Variants in FSD2 observed in about 807,000 individuals in gnomAD.
FSD2 encodes fibronectin type III and SPRY domain containing 2.
In FSD2, 71 loss-of-function variants were observed where a neutral mutation model predicts 80.4. That is an observed-to-expected ratio of 0.88 (90% CI 0.73 to 1.08). The LOEUF (loss-of-function observed/expected upper bound fraction) is 1.08. FSD2 is among the 50% of genes least tolerant of loss of function. FSD2 has a pLI of 0.00. For missense variants in FSD2, 923 were observed against 913.8 expected (o/e 1.01, Z -0.13); for synonymous variants, 361 against 329.5 (o/e 1.10, Z -1.03).
rs528228689 is a variant in FSD2, at chr15:82,770,290, C to T, written c.1268-406G>A. Among the ~76,000 whole-genome samples the T allele has an allele frequency of 2.5e-4, 38 of 152,296 alleles. No individual in the cohort carries two copies. In the East Asian group the frequency reaches 6.4e-3, roughly 25 times the overall value. On this transcript the variant is annotated intron_variant, in intron 7 of 12. Coordinates refer to ENST00000334574, the MANE Select transcript of FSD2 (RefSeq NM_001007122.4). Reference sequence around the variant, plus strand: ...CAAGTCCTCCCGGCTATCCTATCTGCGACAACAGTAAATGAGGCCATCCTA... The same window carrying T: ...CAAGTCCTCCCGGCTATCCTATCTGTGACAACAGTAAATGAGGCCATCCTA...
chr15:82,781,984 A>G (rs1304507459), intron 4 of FSD2, among the ~76,000 whole-genome samples: 1 of 150,642 alleles, frequency 6.6e-6, no homozygotes, highest in Non-Finnish European at 1.5e-5. Flanking sequence ...GAATTGCTTG[A>G]ACCCGGGAGG....
intron 12 of FSD2, 128 bp from the exon 13 acceptor site, chr15:82,759,728 G>A (rs1343586642): frequency 1.4e-6 from 1 of 702,934 alleles, no homozygotes; most frequent in Admixed American, 3.1e-5. Context: ...TGACTACCAA[G>A]GTGACAAGCC....
intron 7 of FSD2, among the ~76,000 whole-genome samples, chr15:82,771,077 A>G (rs1162684846): frequency 2.0e-5 from 3 of 151,752 alleles, no homozygotes; most frequent in Non-Finnish European, 4.4e-5. Context: ...TCATCACTTA[A>G]ATTTACTCTT....
At chr15:82,778,211 A>G (rs1256780519) in intron 6 of FSD2, among the ~76,000 whole-genome samples, 2 of 148,258 alleles carry the variant, frequency 1.3e-5, no homozygotes, top group African/African-American at 5.0e-5. Context: ...CAGAACTGAA[A>G]TCAAGATCTC....
chr15:82,782,826 A>G lies in FSD2; in HGVS notation c.935T>C (p.Met312Thr). The G allele has an allele frequency of 1.2e-6, 2 of 1,612,978 alleles. No individual in the cohort carries two copies. Among genetic ancestry groups the G allele is most frequent in the Admixed American group, 1.7e-5 (1 of 59,886 alleles). Residue 312 changes from methionine to threonine, a missense_variant, in exon 4 of 13, where the codon ATG becomes ACG. Transcript: ENST00000334574. ...CKELMETIEE[M>T]CHEEKVDFIK... Reference sequence around the variant, plus strand: ...GAAATCCACCTTCTCCTCGTGACACATCTCCTCTATTGTTTCCATCAGTTC... The same window carrying G: ...GAAATCCACCTTCTCCTCGTGACACGTCTCCTCTATTGTTTCCATCAGTTC...
At chr15:82,798,462 C>T (rs547163929) in intron 1 of FSD2, among the ~76,000 whole-genome samples, 2 of 152,168 alleles carry the variant, frequency 1.3e-5, no homozygotes, top group Admixed American at 1.3e-4. Context: ...GTTCCTAATG[C>T]CTACCCCCAT....
Position 82,765,240 on chromosome 15 carries a change from G to T in FSD2, c.1746C>A (p.Asp582Glu), listed in dbSNP as rs200061762. The change falls in exon 11 of 13, where the codon GAC becomes GAA. Residue 582 changes from aspartate to glutamate, a missense_variant. Coordinates refer to ENST00000334574, the MANE Select transcript of FSD2 (RefSeq NM_001007122.4). ...TTTCACTTCGTACAGCCGTAAGTCC[G>T]TCTTCAGAAATGGTCAGCCAGGGAT... ...TCHPWLTISEDGLTAVRSERR... is the reference protein window; with the variant it reads ...TCHPWLTISEEGLTAVRSERR... 6.2e-7 allele frequency: 1 copy of T among 1,612,790 alleles called. No individual in the cohort carries two copies. The highest frequency in any genetic ancestry group is 1.1e-5 in the South Asian group (1 of 90,858).
chr15:82,781,287 G>A (rs2049848968), intron 4 of FSD2, among the ~76,000 whole-genome samples: 1 of 152,088 alleles, frequency 6.6e-6, no homozygotes, highest in Admixed American at 6.6e-5. Context: ...GCATATGGTG[G>A]GCCCACTAGT....
At chr15:82,779,571 C>G (rs1420261129) in intron 5 of FSD2, among the ~76,000 whole-genome samples, 2 of 151,066 alleles carry the variant, frequency 1.3e-5, no homozygotes, top group African/African-American at 2.4e-5. Context: ...GAGGCTGAGG[C>G]AGGAGAATCA....
chr15:82,773,657 A>C (rs758005015), intron 6 of FSD2, among the ~76,000 whole-genome samples: 16 of 152,352 alleles, frequency 1.1e-4, no homozygotes, highest in Middle Eastern at 6.8e-3. Flanking sequence ...TGGACGTCAT[A>C]GCTCTGTGAA....
chr15:82,797,019 T>C (rs1000580182), intron 1 of FSD2, among the ~76,000 whole-genome samples: 3 of 57,810 alleles, frequency 5.2e-5, no homozygotes, highest in African/African-American at 3.0e-4. Flanking sequence ...TGCTTGGTAA[T>C]TAAAAAAAAA....
Position 82,761,691 on chromosome 15 carries a change from T to A in FSD2, c.1997+411A>T, listed in dbSNP as rs946401305. Among the ~76,000 whole-genome samples, 14 of 150,902 alleles carry A rather than the reference T, an allele frequency of 9.3e-5. 1 individual carries two copies. The South Asian group carries it at 1.2e-3, about 13-fold the overall frequency. On this transcript the variant is annotated intron_variant, in intron 12 of 12. Coordinates refer to ENST00000334574, the MANE Select transcript of FSD2 (RefSeq NM_001007122.4). ...TTTATTTTTTTATTTTATTATTTTTTTTTTTTTAGAGACGGGGTCTTGCTA... is the reference window on the plus strand; with the variant it reads ...TTTATTTTTTTATTTTATTATTTTTATTTTTTTAGAGACGGGGTCTTGCTA...
At position 82,759,375 on chromosome 15, in the gene FSD2, T is replaced by C; in HGVS notation, c.2223A>G (p.Ser741=). ...PGCLKVHNGI[S]MPKHVTFY ...AATAGAAAGTGACATGTTTTGGCAT[T>C]GAAATGCCATTATGTACCTTTAGAC... Residue 741 remains serine, a synonymous_variant, in exon 13 of 13, where the codon TCA becomes TCG. Transcript: ENST00000334574. The C allele has an allele frequency of 6.2e-7, 1 of 1,613,386 alleles. No homozygotes were observed. Among genetic ancestry groups the C allele is most frequent in the Non-Finnish European group, 8.5e-7 (1 of 1,179,686 alleles).
At chr15:82,770,400 G>A (rs1229825000) in intron 7 of FSD2, among the ~76,000 whole-genome samples, 19 of 152,230 alleles carry the variant, frequency 1.2e-4, no homozygotes, top group Non-Finnish European at 2.8e-4. Flanking sequence ...GGCCGGGCGC[G>A]GTAGCTCATG....
chr15:82,802,202 CT>C, intron 1 of FSD2, among the ~76,000 whole-genome samples: 1 of 152,294 alleles, frequency 6.6e-6, no homozygotes, highest in Admixed American at 6.5e-5. Context: ...CACACTGAAT[CT>C]GCATCCCAGC....
Position 82,772,124 on chromosome 15 carries a change from G to A in FSD2, c.1216C>T (p.Gln406Ter). The A allele has an allele frequency of 6.2e-7, 1 of 1,608,174 alleles. No homozygotes were observed. Among genetic ancestry groups the A allele is most frequent in the Non-Finnish European group, 8.5e-7 (1 of 1,177,742 alleles). ...LYSDDTVESY[Q>*]LSYRPVQDSS... ...TCCTGCACTGGCCGGTAGGACAGCT[G>A]ATAGCTCTCCACAGTGTCGTCGGAG... Residue 406 changes from glutamine (Q) to a stop codon, truncating the protein, a stop_gained, in exon 7 of 13, where the codon CAG becomes TAG. Coordinates refer to ENST00000334574, the MANE Select transcript of FSD2 (RefSeq NM_001007122.4). LOFTEE classifies it high-confidence loss of function.
Position 82,765,199 on chromosome 15 carries a change from C to G in FSD2, c.1787G>C (p.Arg596Thr). The change falls in exon 11 of 13, where the codon AGG (arginine) becomes ACG (threonine). Residue 596 changes from arginine to threonine, a missense_variant. Physicochemically the swap from Arg to Thr is moderately conservative, Grantham distance 71 (BLOSUM62 -1). Transcript: ENST00000334574. Reference protein sequence around the residue: ...AVRSERRTPARELSPSDTHFT... With the variant: ...AVRSERRTPATELSPSDTHFT... Reference sequence around the variant, plus strand: ...GTGAGTGTCGCTGGGTGACAGCTCCCTGGCGGGGGTTCTCCTTTCACTTCG... The same window carrying G: ...GTGAGTGTCGCTGGGTGACAGCTCCGTGGCGGGGGTTCTCCTTTCACTTCG... 6.2e-7 allele frequency: 1 copy of G among 1,606,848 alleles called. No homozygotes were observed. Among genetic ancestry groups the G allele is most frequent in the Admixed American group, 1.7e-5 (1 of 58,732 alleles).
chr15:82,765,242 C>A lies in FSD2; in HGVS notation c.1744G>T (p.Asp582Tyr). 3 of 1,612,972 alleles carry A rather than the reference C, an allele frequency of 1.9e-6. No individual in the cohort carries two copies. The highest frequency in any genetic ancestry group is 2.5e-6 in the Non-Finnish European group (3 of 1,179,450). Reference sequence around the variant, plus strand: ...TCACTTCGTACAGCCGTAAGTCCGTCTTCAGAAATGGTCAGCCAGGGATGG... The same window carrying A: ...TCACTTCGTACAGCCGTAAGTCCGTATTCAGAAATGGTCAGCCAGGGATGG... ...TCHPWLTISE[D>Y]GLTAVRSERR... is the part of the protein sequence containing the mutation. Residue 582 changes from aspartate to tyrosine, a missense_variant, in exon 11 of 13, where the codon GAC becomes TAC. Physicochemically the swap from Asp to Tyr is radical, Grantham distance 160. Transcript: ENST00000334574.
At chr15:82,778,672 G>C in intron 6 of FSD2, 94 bp downstream of exon 6, 16 of 1,373,822 alleles carry the variant, frequency 1.2e-5, no homozygotes, top group Non-Finnish European at 1.6e-5. Flanking sequence ...AATTTGTTAA[G>C]AGGATAGATC....
Sources: gnomAD v4.1 joint callset for allele counts (sites outside exome capture counted in the v4.1 genomes callset) on GRCh38, gnomAD v4.1.1 for gene constraint, MANE v1.5 for transcripts, NCBI Gene and HGNC (gene_info 2026-07-23, HGNC 2026-07-21) for gene names.